GIGYF2: variants seen among roughly 807,000 people sequenced by gnomAD.
GIGYF2 encodes the protein GRB10 interacting GYF protein 2, also known as GRB10-interacting GYF protein 2.
Under a neutral mutation model 208.1 loss-of-function variants are expected in GIGYF2, and 25 were observed. The observed-to-expected ratio is 0.12, with a 90% CI of 0.09 to 0.17. The LOEUF is 0.17. GIGYF2 is among the 10% of genes least tolerant of loss of function. The pLI, the probability that GIGYF2 is intolerant of heterozygous loss-of-function variation, is 1.00. For missense variants in GIGYF2, 1,302 were observed against 1,579.4 expected (o/e 0.82, Z 2.98); for synonymous variants, 534 against 543.8 (o/e 0.98, Z 0.25).
chr2:232,760,618 A>G, intron 7 of GIGYF2, 27 bp downstream of exon 7: 1 of 1,450,852 alleles, frequency 6.9e-7, no homozygotes, highest in Non-Finnish European at 9.7e-7. Flanking sequence ...ATTGGCATAA[A>G]AATTTCTTGG....
At chr2:232,772,114 A>G (rs1292555661) in intron 8 of GIGYF2, among the ~76,000 whole-genome samples, 1 of 152,136 alleles carries the variant, frequency 6.6e-6, no homozygotes, top group Non-Finnish European at 1.5e-5. Context: ...TGGGCTCAAT[A>G]TATTGCCTAG....
At chr2:232,763,621 T>A (rs1698832306) in intron 8 of GIGYF2, among the ~76,000 whole-genome samples, 1 of 152,012 alleles carries the variant, frequency 6.6e-6, no homozygotes, top group Non-Finnish European at 1.5e-5. Context: ...GGTCAGGAGT[T>A]GGAGACCAGC....
At chr2:232,824,888 C>A (rs1701202457) in intron 21 of GIGYF2, among the ~76,000 whole-genome samples, 1 of 152,178 alleles carries the variant, frequency 6.6e-6, no homozygotes, top group African/African-American at 2.4e-5. Context: ...AAAATTGAAG[C>A]CAGTGCTCAT....
intron 2 of GIGYF2, among the ~76,000 whole-genome samples, chr2:232,707,764 A>G (rs1696191444): frequency 1.3e-5 from 2 of 150,378 alleles, no homozygotes; most frequent in Admixed American, 1.3e-4. Context: ...CAGCCTCCCT[A>G]GTAGCTGGGA....
intron 14 of GIGYF2, among the ~76,000 whole-genome samples, chr2:232,802,123 G>T (rs1190581290): frequency 6.6e-6 from 1 of 151,976 alleles, no homozygotes; most frequent in African/African-American, 2.4e-5. Flanking sequence ...TTTGTGTCCT[G>T]CCACTTTGCT....
chr2:232,775,190 G>T (rs1164718738), intron 8 of GIGYF2, among the ~76,000 whole-genome samples: 2 of 151,942 alleles, frequency 1.3e-5, no homozygotes, highest in African/African-American at 4.8e-5. Flanking sequence ...ACTATTCTGT[G>T]GACTCTTATA....
intron 27 of GIGYF2, among the ~76,000 whole-genome samples, chr2:232,849,485 G>A (rs1188973677): frequency 6.6e-6 from 1 of 152,110 alleles, no homozygotes; most frequent in Non-Finnish European, 1.5e-5. Context: ...ATTTTAAGGA[G>A]AAGGCATCAT....
At chr2:232,809,550 GTT>G (rs1426265305) in intron 15 of GIGYF2, among the ~76,000 whole-genome samples, 168 bp from the exon 16 acceptor site, 1 of 152,164 alleles carries the variant, frequency 6.6e-6, no homozygotes, top group African/African-American at 2.4e-5. Flanking sequence ...AGATGGTGTT[GTT>G]TAGTTTTTAA....
At chr2:232,764,229 G>C (rs147800684) in intron 8 of GIGYF2, among the ~76,000 whole-genome samples, 163 of 152,334 alleles carry the variant, frequency 1.1e-3, no homozygotes, top group Non-Finnish European at 1.8e-3. Context: ...AGGAGTGGCT[G>C]CATGTAAAAG....
At chr2:232,722,881 T>C (rs1204123303) in intron 2 of GIGYF2, among the ~76,000 whole-genome samples, 1 of 152,248 alleles carries the variant, frequency 6.6e-6, no homozygotes, top group Non-Finnish European at 1.5e-5. Context: ...TCATCTTCTC[T>C]GTCATTTGCC....
rs1272635792 is a variant in GIGYF2 at position 232,803,956 on chromosome 2, G to GGTCT, written c.1640-2534_1640-2533insTCTG. On this transcript the variant is annotated intron_variant, in intron 14 of 28. Coordinates refer to ENST00000373563, the MANE Select transcript of GIGYF2 (RefSeq NM_001103146.3). Reference sequence around the variant, plus strand: ...CCCGCCTCCGCCTCCCAAAGTGCTGGGATTACAGGCCTATTTCTGCTTCTT... The same window carrying GGTCT: ...CCCGCCTCCGCCTCCCAAAGTGCTGGGTCTGATTACAGGCCTATTTCTGCTTCTT... Among the ~76,000 whole-genome samples the GGTCT allele has an allele frequency of 3.3e-4, 5 of 15,088 alleles. 1 individual carries two copies. Among genetic ancestry groups the GGTCT allele is most frequent in the African/African-American group, 7.9e-4 (2 of 2,544 alleles). The allele number at this position is 15,088 out of a possible 152,430, so 9.9% of individuals were successfully genotyped here.
At position 232,849,287 on chromosome 2, in the gene GIGYF2, C is replaced by T. The variant is rs961239679; in HGVS notation, c.3685-975C>T. ...TCAAGCAATTCTCCTTCCTCAGACT[C>T]CCGAGTAGCTGGGACTACAGGCACG... On this transcript the variant is annotated intron_variant, in intron 27 of 28. Transcript: ENST00000373563. 1.3e-5 allele frequency among the ~76,000 whole-genome samples: 2 copies of T among 152,032 alleles called. 1 individual carries two copies. The highest frequency in any genetic ancestry group is 4.2e-4 in the South Asian group (2 of 4,806).
chr2:232,757,532 T>A (rs1438092476), intron 6 of GIGYF2, among the ~76,000 whole-genome samples: 1 of 152,174 alleles, frequency 6.6e-6, no homozygotes, highest in Non-Finnish European at 1.5e-5. Context: ...TTGAGATCCA[T>A]GCATCTTGGT....
chr2:232,845,001 A>G (rs958994674), intron 25 of GIGYF2, among the ~76,000 whole-genome samples: 5 of 152,180 alleles, frequency 3.3e-5, no homozygotes, highest in Non-Finnish European at 7.3e-5. Flanking sequence ...AGTTAGTTAC[A>G]TTTTCATCTT....
At chr2:232,760,204 T>TA in intron 6 of GIGYF2, 1 of 300,000 alleles carries the variant, frequency 3.3e-6, no homozygotes, top group Non-Finnish European at 6.3e-6. Flanking sequence ...AACTGTTCGT[T>TA]AAAGAACTTA....
At chr2:232,815,144 T>G (rs59514271) in intron 18 of GIGYF2, among the ~76,000 whole-genome samples, 15,833 of 152,224 alleles carry the variant, frequency 0.1, 1,092 homozygotes, top group East Asian at 0.2. Flanking sequence ...TAACACAAAA[T>G]TAACCATTTT....
At chr2:232,824,587 T>C (rs7577861) in intron 21 of GIGYF2, among the ~76,000 whole-genome samples, 49,161 of 151,980 alleles carry the variant, frequency 0.32, 8,395 homozygotes, top group African/African-American at 0.42. Flanking sequence ...AAGCTATCAG[T>C]GGTTGGTTCA....
chr2:232,781,749 C>G (rs1188568707), intron 8 of GIGYF2, among the ~76,000 whole-genome samples: 3 of 152,156 alleles, frequency 2.0e-5, no homozygotes, highest in Non-Finnish European at 2.9e-5. Flanking sequence ...TTCAGTTTCT[C>G]TAGAATTTCT....
chr2:232,850,960 A>G (rs903116559), intron 28 of GIGYF2, among the ~76,000 whole-genome samples: 3 of 152,166 alleles, frequency 2.0e-5, no homozygotes, highest in Non-Finnish European at 4.4e-5. Context: ...GCTTTCTGCT[A>G]TGGGATGCTG....
Sources: allele counts gnomAD v4.1 joint callset (sites outside exome capture counted in the v4.1 genomes callset), GRCh38; gene constraint gnomAD v4.1.1; transcripts MANE v1.5; gene names NCBI Gene and HGNC (gene_info 2026-07-23, HGNC 2026-07-21).